LRRC51: variants seen among roughly 807,000 people sequenced by gnomAD.
LRRC51 encodes the protein leucine-rich repeat-containing protein 51.
In LRRC51, 8 loss-of-function variants were observed where a neutral mutation model predicts 17.8. The observed-to-expected ratio is 0.45, with a 90% CI of 0.26 to 0.81. The LOEUF (loss-of-function observed/expected upper bound fraction) is 0.81. Among genes scored for constraint, LRRC51 ranks in the 30% least tolerant of loss-of-function variants. The pLI is 0.17. For missense variants in LRRC51, 233 were observed against 239.3 expected (o/e 0.97, Z 0.17); for synonymous variants, 92 against 96.0 (o/e 0.96, Z 0.24).
intron 1 of LRRC51, chr11:72,086,108 T>G: frequency 3.0e-6 from 1 of 328,914 alleles, no homozygotes; most frequent in Non-Finnish European, 5.6e-6. Context: ...AGACCATGAA[T>G]AGGGATCATC....
chr11:72,094,551 G>T (rs1338433328), intron 4 of LRRC51: 11 of 610,154 alleles, frequency 1.8e-5, no homozygotes, highest in Non-Finnish European at 3.2e-5. Context: ...CCCCTGGTGT[G>T]GTGATCTCAA....
At chr11:72,087,238 G>A (rs569630597) in intron 1 of LRRC51, among the ~76,000 whole-genome samples, 1 of 151,336 alleles carries the variant, frequency 6.6e-6, no homozygotes, top group African/African-American at 2.4e-5. Flanking sequence ...ACTGTATTAG[G>A]CTTAAACTGA....
At chr11:72,084,022 G>C (rs1043987958) in intron 1 of LRRC51, among the ~76,000 whole-genome samples, 14 of 152,096 alleles carry the variant, frequency 9.2e-5, no homozygotes, top group African/African-American at 3.4e-4. Context: ...CTTTTGACAG[G>C]GTCTCGCTCT....
At chr11:72,090,372 G>C (rs1030407842) in intron 3 of LRRC51, among the ~76,000 whole-genome samples, 1 of 152,170 alleles carries the variant, frequency 6.6e-6, no homozygotes, top group Non-Finnish European at 1.5e-5. Context: ...AATTGGGAGA[G>C]AGACAAGCAG....
chr11:72,089,617 C>CG, intron 3 of LRRC51: 18 of 1,181,084 alleles, frequency 1.5e-5, no homozygotes, highest in Non-Finnish European at 1.9e-5. Context: ...CCTTTCTCCT[C>CG]TGTCTGCAGA....
chr11:72,095,011 G>A lies in LRRC51; in HGVS notation c.352G>A (p.Gly118Arg). ...YLHGNSIQRL[G>R]EVNKLAVLPR... ...TCACGGCAACAGCATCCAGCGCCTG[G>A]GGGAGGTGAATAAGCTGGCTGTCCT... The change falls in exon 5 of 6, where the codon GGG becomes AGG. Residue 118 changes from glycine (G) to arginine (R), a missense_variant. By Grantham distance (125) the Gly-to-Arg change is moderately radical. Coordinates refer to ENST00000289488, the MANE Select transcript of LRRC51 (RefSeq NM_145309.6). 1 of 1,614,016 alleles carries A rather than the reference G, an allele frequency of 6.2e-7. No homozygotes were observed. Among genetic ancestry groups the A allele is most frequent in the Non-Finnish European group, 8.5e-7 (1 of 1,180,006 alleles).
rs756214946 is a variant in LRRC51, at chr11:72,084,473, AG to A, written c.-140+3591del. Among the ~76,000 whole-genome samples the A allele has an allele frequency of 1.4e-4, 22 of 152,370 alleles. No individual in the cohort carries two copies. The East Asian group carries it at 4.0e-3, about 28-fold the overall frequency. ...ATAAAATACTTTGCAACTATTAAAA[AG>A]GGTAATAGTCTACAACAATTTGAAA... On this transcript the variant is annotated intron_variant, in intron 1 of 5. Transcript: ENST00000289488.
At chr11:72,091,253 G>C (rs1417357264) in intron 3 of LRRC51, among the ~76,000 whole-genome samples, 10 of 152,150 alleles carry the variant, frequency 6.6e-5, no homozygotes, top group Non-Finnish European at 1.2e-4. Context: ...TTCATGTGGG[G>C]TTATTTTGAC....
chr11:72,094,906 C>G, intron 4 of LRRC51, 42 bp from the exon 5 acceptor site: 1 of 1,614,148 alleles, frequency 6.2e-7, no homozygotes, highest in Non-Finnish European at 8.5e-7. Flanking sequence ...GATTCAGGGT[C>G]CTGTCCTGTC....
chr11:72,094,919 G>T, intron 4 of LRRC51, 29 bp from the exon 5 acceptor site: 1 of 1,614,134 alleles, frequency 6.2e-7, no homozygotes, highest in Non-Finnish European at 8.5e-7. Context: ...GTCCTGTCTA[G>T]CCTGGCTTTT....
chr11:72,080,983 G>C lies in LRRC51; in HGVS notation c.-140+98G>C, dbSNP rs3750909. ...AGAACGACTAAGAACCTTCCTGCTC[G>C]GGGATCTGAGATTTCCCCCACCGAC... On this transcript the variant is annotated intron_variant, in intron 1 of 5. Coordinates refer to ENST00000289488, the MANE Select transcript of LRRC51 (RefSeq NM_145309.6). 1.6e-3 allele frequency: 250 copies of C among 152,760 alleles called. 11 individuals carry two copies. In the East Asian group the frequency reaches 0.047, roughly 28 times the overall value. The allele number at this position is 152,760 out of a possible 1,614,324, so 9.5% of individuals were successfully genotyped here.
chr11:72,087,235 T>C (rs1423537823), intron 1 of LRRC51, among the ~76,000 whole-genome samples: 1 of 152,038 alleles, frequency 6.6e-6, no homozygotes, highest in African/African-American at 2.4e-5. Context: ...TGAACTGTAT[T>C]AGGCTTAAAC....
chr11:72,081,616 G>T (rs1323525576), intron 1 of LRRC51, among the ~76,000 whole-genome samples: 1 of 152,174 alleles, frequency 6.6e-6, no homozygotes, highest in Non-Finnish European at 1.5e-5. Flanking sequence ...GTTAGCATTA[G>T]ATTGAGTAAA....
rs1945224044 is a variant in LRRC51 at position 72,096,630 on chromosome 11, G to T, written c.*1110G>T. On this transcript the variant is annotated 3_prime_UTR_variant, in exon 6 of 6. Transcript: ENST00000289488. Reference sequence around the variant, plus strand: ...AGACGTGGGTTTACCACACAGCCTTGGGAAATTTATCTAACTCTCTGGGCC... The same window carrying T: ...AGACGTGGGTTTACCACACAGCCTTTGGAAATTTATCTAACTCTCTGGGCC... 3 of 1,518,148 alleles carry T rather than the reference G, an allele frequency of 2.0e-6. No homozygotes were observed. The South Asian group carries it at 3.9e-5, about 20-fold the overall frequency. The allele number at this position is 1,518,148 out of a possible 1,614,324, so 94.0% of individuals were successfully genotyped here. A position where few individuals can be genotyped will look rare whatever the true frequency, so the allele number is the denominator to read the frequency against.
At chr11:72,093,039 C>A (rs1257927332) in intron 3 of LRRC51, among the ~76,000 whole-genome samples, 1 of 152,182 alleles carries the variant, frequency 6.6e-6, no homozygotes, top group Non-Finnish European at 1.5e-5. Context: ...CACTGTATAT[C>A]CAGTACCTGG....
At position 72,095,902 on chromosome 11, in the gene LRRC51, G is replaced by A. The variant is rs1313897075; in HGVS notation, c.*382G>A. On this transcript the variant is annotated 3_prime_UTR_variant, in exon 6 of 6. Transcript: ENST00000289488. ...TCGTCACCCCAGCTGGAGTGCAGTGGTGCGATCTCAGCTCACTGCAACCTC... is the reference window on the plus strand; with the variant it reads ...TCGTCACCCCAGCTGGAGTGCAGTGATGCGATCTCAGCTCACTGCAACCTC... 1 of 335,068 alleles carries A rather than the reference G, an allele frequency of 3.0e-6. No homozygotes were observed. The highest frequency in any genetic ancestry group is 2.2e-5 in the African/African-American group (1 of 46,484). The allele number at this position is 335,068 out of a possible 1,614,324, so 20.8% of individuals were successfully genotyped here.
chr11:72,095,818 G>A lies in LRRC51; in HGVS notation c.*298G>A, dbSNP rs924828457. The A allele has an allele frequency of 2.3e-5, 11 of 478,274 alleles. No homozygotes were observed. Among genetic ancestry groups the A allele is most frequent in the African/African-American group, 1.2e-4 (6 of 48,726 alleles). 29.6% of individuals were successfully genotyped at this position (478,274 alleles called of 1,614,324 possible). ...CTCCCCAGTAGCTGTGATTAAAGGC[G>A]CCTGCCACCATGACTGGCTAATTTT... is the stretch of plus-strand genomic sequence containing the variant. On this transcript the variant is annotated 3_prime_UTR_variant, in exon 6 of 6. Transcript: ENST00000289488.
chr11:72,088,750 C>A, intron 2 of LRRC51: 1 of 511,320 alleles, frequency 2.0e-6, no homozygotes, highest in African/African-American at 1.9e-5. Context: ...CTGGGCAAGT[C>A]CTTTTACCCC....
intron 3 of LRRC51, among the ~76,000 whole-genome samples, chr11:72,092,206 G>A (rs1412976085): frequency 6.6e-6 from 1 of 152,062 alleles, no homozygotes; most frequent in African/African-American, 2.4e-5. Context: ...TCAAGTCTGT[G>A]TCTCCTGAGC....
Sources: allele counts gnomAD v4.1 joint callset (sites outside exome capture counted in the v4.1 genomes callset), GRCh38; gene constraint gnomAD v4.1.1; transcripts MANE v1.5; gene names NCBI Gene and HGNC (gene_info 2026-07-23, HGNC 2026-07-21).